Variants in TRAP1 observed in about 807,000 individuals in gnomAD.
TRAP1 encodes heat shock protein 75 kDa, mitochondrial.
In TRAP1, 102 loss-of-function variants were observed where a neutral mutation model predicts 89.1. That is an observed-to-expected ratio of 1.15 (90% CI 0.98 to 1.35). The LOEUF (loss-of-function observed/expected upper bound fraction) is 1.35. Among genes scored for constraint, TRAP1 ranks in the 40% most tolerant of loss-of-function variants. The pLI is 0.00. For missense variants in TRAP1, 1,256 were observed against 945.3 expected, an observed-to-expected ratio of 1.33 and a Z score of -4.31; for synonymous variants, 508 against 388.0, an observed-to-expected ratio of 1.31 and a Z score of -3.64.
At chr16:3,669,764 C>T (rs1485739785) in intron 11 of TRAP1, among the ~76,000 whole-genome samples, 7 of 138,588 alleles carry the variant, frequency 5.1e-5, no homozygotes, top group Admixed American at 1.7e-4. Flanking sequence ...ACCCGGGAGG[C>T]GGAGCTTGCA....
At chr16:3,716,055 G>A (rs527526112) in intron 1 of TRAP1, among the ~76,000 whole-genome samples, 27 of 152,150 alleles carry the variant, frequency 1.8e-4, no homozygotes, top group African/African-American at 6.3e-4. Flanking sequence ...TAGAGACAGG[G>A]TTTCACCATG....
At position 3,658,154 on chromosome 16, in the gene TRAP1, A is replaced by C; in HGVS notation, c.2090T>G (p.Leu697Arg). 6.2e-7 allele frequency: 1 copy of C among 1,614,072 alleles called. No individual in the cohort carries two copies. The highest frequency in any genetic ancestry group is 8.5e-7 in the Non-Finnish European group (1 of 1,180,000). ...TCAGTGTCGCTCCAGGGCCTTGACA[A>C]GCAGCTCATTCAAGCGGCCCACCAT... ...RAMVGRLNEL[L>R]VKALERH The change falls in exon 18 of 18, where the codon CTT becomes CGT. Residue 697 changes from leucine to arginine, a missense_variant. Leu to Arg is a moderately radical substitution (Grantham distance 102, BLOSUM62 -2). Transcript: ENST00000246957.
chr16:3,717,115 C>T (rs1021292249), intron 1 of TRAP1, among the ~76,000 whole-genome samples: 1 of 152,256 alleles, frequency 6.6e-6, no homozygotes, highest in Admixed American at 6.5e-5. Flanking sequence ...CGCTACCTGA[C>T]TGGACCGAAG....
chr16:3,709,358 C>T (rs2051495809), intron 1 of TRAP1, among the ~76,000 whole-genome samples: 2 of 152,042 alleles, frequency 1.3e-5, no homozygotes, highest in African/African-American at 4.8e-5. Flanking sequence ...TAAGGAAATG[C>T]ACTTTAAAAC....
chr16:3,690,729 G>T, intron 2 of TRAP1, 98 bp downstream of exon 2: 2 of 1,235,260 alleles, frequency 1.6e-6, no homozygotes, highest in Non-Finnish European at 2.1e-6. Flanking sequence ...ACCTAAGGCG[G>T]TGGCTCTACC....
At chr16:3,671,598 G>T in intron 11 of TRAP1, 124 bp downstream of exon 11, 2 of 1,022,668 alleles carry the variant, frequency 2.0e-6, no homozygotes, top group Non-Finnish European at 2.9e-6. Context: ...CCATGTGCAG[G>T]CCGGGCTTCC....
At chr16:3,674,749 C>G (rs1406891787) in intron 8 of TRAP1, 2 of 539,346 alleles carry the variant, frequency 3.7e-6, no homozygotes, top group East Asian at 6.4e-5. Flanking sequence ...CTGAGGGGGC[C>G]TGTGGGAGAG....
chr16:3,705,293 T>C (rs2051426150), intron 1 of TRAP1, among the ~76,000 whole-genome samples: 1 of 151,976 alleles, frequency 6.6e-6, no homozygotes, highest in Non-Finnish European at 1.5e-5. Flanking sequence ...ATGGTCTCGA[T>C]CTCCTGACCT....
intron 6 of TRAP1, 97 bp from the exon 7 acceptor site, chr16:3,676,242 C>T (rs2050992183): frequency 1.0e-6 from 1 of 999,468 alleles, no homozygotes; most frequent in African/African-American, 1.6e-5. Context: ...ATAGGCAGAG[C>T]CCAAACAACA....
intron 1 of TRAP1, among the ~76,000 whole-genome samples, chr16:3,711,020 C>T (rs1428828078): frequency 7.0e-6 from 1 of 142,914 alleles, no homozygotes; most frequent in Non-Finnish European, 1.5e-5. Context: ...CACAGGCACA[C>T]CCAGCTAATT....
intron 1 of TRAP1, among the ~76,000 whole-genome samples, chr16:3,693,909 C>G (rs1020312395): frequency 4.6e-5 from 7 of 151,832 alleles, no homozygotes; most frequent in African/African-American, 1.7e-4. Flanking sequence ...GGGAAGATCA[C>G]TTGAGCCCAG....
chr16:3,663,633 C>T (rs534550079), intron 13 of TRAP1, 71 bp from the exon 14 acceptor site: 112 of 1,591,328 alleles, frequency 7.0e-5, no homozygotes, highest in Middle Eastern at 3.8e-4. Context: ...AGGATGAGGG[C>T]GGCAGGAGGG....
chr16:3,677,617 G>A lies in TRAP1; in HGVS notation c.585C>T (p.Ser195=), dbSNP rs996193707. Residue 195 remains serine, a synonymous_variant, in exon 6 of 18, where the codon AGC becomes AGT. Coordinates refer to ENST00000246957, the MANE Select transcript of TRAP1 (RefSeq NM_016292.3). ...DALQNQAEAS[S]KIIGQFGVGF... is the part of the protein sequence containing the mutation. ...CCACTCCAAACTGGCCGATGATCTT[G>A]CTGCTGGCCTCAGCCTGGTTCTGCA... 8 of 1,613,982 alleles carry A rather than the reference G, an allele frequency of 5.0e-6. No homozygotes were observed. The highest frequency in any genetic ancestry group is 6.8e-6 in the Non-Finnish European group (8 of 1,180,036).
intron 6 of TRAP1, among the ~76,000 whole-genome samples, chr16:3,677,169 C>G (rs2051009464): frequency 1.3e-5 from 2 of 152,032 alleles, no homozygotes. Flanking sequence ...AGAATGAGCT[C>G]TTGCAGAAGG....
At chr16:3,665,131 G>C (rs1050447107) in intron 12 of TRAP1, 2 of 152,274 alleles carry the variant, frequency 1.3e-5, no homozygotes, top group African/African-American at 2.4e-5. Context: ...CAAAGACCTA[G>C]AAATGTCTCT....
intron 10 of TRAP1, 41 bp from the exon 11 acceptor site, chr16:3,671,832 C>A (rs367936462): frequency 6.3e-6 from 10 of 1,594,990 alleles, no homozygotes; most frequent in African/African-American, 1.3e-5. Context: ...GGCTGCGGCC[C>A]TCCACACCAC....
At position 3,679,704 on chromosome 16, in the gene TRAP1, G is replaced by C; in HGVS notation, c.543+15C>G. On this transcript the variant is annotated intron_variant, in intron 5 of 17. Coordinates refer to ENST00000246957, the MANE Select transcript of TRAP1 (RefSeq NM_016292.3). ...TGAGGGGAAGGGGGAGGCTGTGTGGGGGCCCCACGCTTACCTTTGACCCCG... is the reference window on the plus strand; with the variant it reads ...TGAGGGGAAGGGGGAGGCTGTGTGGCGGCCCCACGCTTACCTTTGACCCCG... The C allele has an allele frequency of 6.2e-7, 1 of 1,613,972 alleles. No homozygotes were observed. The highest frequency in any genetic ancestry group is 8.5e-7 in the Non-Finnish European group (1 of 1,179,936).
At position 3,671,794 on chromosome 16, in the gene TRAP1, G is replaced by A. The variant is rs538350277; in HGVS notation, c.1166-3C>T. On this transcript the variant is annotated splice_region_variant and splice_polypyrimidine_tract_variant and intron_variant, in intron 10 of 17. Transcript: ENST00000246957. The stretch of plus-strand genomic sequence containing the variant: ...AATGTCCTCACTGTCCACCACACCT[G>A]GGAGACACGGCAGTCAGCTTCTCCC... The A allele has an allele frequency of 8.1e-6, 13 of 1,611,660 alleles. No homozygotes were observed. The highest frequency in any genetic ancestry group is 1.1e-5 in the Non-Finnish European group (13 of 1,179,992).
chr16:3,683,528 G>T (rs1177350125), intron 4 of TRAP1, among the ~76,000 whole-genome samples: 1 of 151,670 alleles, frequency 6.6e-6, no homozygotes, highest in Non-Finnish European at 1.5e-5. Context: ...TGGGATTACA[G>T]GTGCACACCA....
Sources: allele counts gnomAD v4.1 joint callset (sites outside exome capture counted in the v4.1 genomes callset), GRCh38; gene constraint gnomAD v4.1.1; transcripts MANE v1.5; gene names NCBI Gene and HGNC (gene_info 2026-07-23, HGNC 2026-07-21).